CTIF: variants seen among roughly 807,000 people sequenced by gnomAD.
CTIF encodes CBP80/20-dependent translation initiation factor.
CTIF carries 21 observed loss-of-function variants against 66.0 expected under a neutral mutation model. The ratio of observed to expected loss-of-function variants is 0.32; its 90% confidence interval spans 0.23 to 0.46. CTIF has a LOEUF of 0.46. Among genes scored for constraint, CTIF ranks in the 20% least tolerant of loss-of-function variants. The pLI, the probability that CTIF is intolerant of heterozygous loss-of-function variation, is 1.00. For missense variants in CTIF, 739 were observed against 812.7 expected (o/e 0.91, Z 1.10); for synonymous variants, 345 against 326.4 (o/e 1.06, Z -0.62).
At chr18:48,640,636 G>A (rs1485874425) in intron 3 of CTIF, among the ~76,000 whole-genome samples, 2 of 152,258 alleles carry the variant, frequency 1.3e-5, no homozygotes, top group Non-Finnish European at 2.9e-5. Flanking sequence ...CACGTTGGCT[G>A]CACATGTCCA....
At chr18:48,570,474 C>A (rs1370045386) in intron 1 of CTIF, among the ~76,000 whole-genome samples, 1 of 152,202 alleles carries the variant, frequency 6.6e-6, no homozygotes, top group Non-Finnish European at 1.5e-5. Flanking sequence ...AGCATGGAAG[C>A]CTTAGTCCCT....
At chr18:48,777,792 G>A (rs1355220707) in intron 9 of CTIF, among the ~76,000 whole-genome samples, 15 of 152,256 alleles carry the variant, frequency 9.9e-5, no homozygotes, top group Non-Finnish European at 1.5e-5. Context: ...TGCAGTAGGG[G>A]TGGACAGAGG....
intron 9 of CTIF, among the ~76,000 whole-genome samples, chr18:48,799,393 T>G (rs955559481): frequency 6.6e-6 from 1 of 152,124 alleles, no homozygotes; most frequent in Non-Finnish European, 1.5e-5. Context: ...GGATTTCTGG[T>G]CTTTCACTAG....
intron 3 of CTIF, among the ~76,000 whole-genome samples, chr18:48,660,640 C>G (rs1003856752): frequency 6.6e-6 from 1 of 152,256 alleles, no homozygotes; most frequent in African/African-American, 2.4e-5. Context: ...GTGCCCCCTC[C>G]TCCAGGCAGA....
chr18:48,802,237 ACT>A (rs2068062745), intron 9 of CTIF, among the ~76,000 whole-genome samples: 1 of 151,988 alleles, frequency 6.6e-6, no homozygotes, highest in Admixed American at 6.5e-5. Context: ...GCACAGCCCC[ACT>A]CTGTTTCCAC....
intron 1 of CTIF, among the ~76,000 whole-genome samples, chr18:48,546,857 G>A (rs2088764193): frequency 1.3e-5 from 2 of 152,158 alleles, no homozygotes; most frequent in African/African-American, 4.8e-5. Context: ...GATGTGAGGT[G>A]GAGAAAAATC....
chr18:48,731,573 G>A (rs113106504), intron 7 of CTIF, among the ~76,000 whole-genome samples: 24 of 152,296 alleles, frequency 1.6e-4, no homozygotes, highest in African/African-American at 5.5e-4. Flanking sequence ...CCTAGTAAGG[G>A]CTTGGTTTGT....
intron 1 of CTIF, among the ~76,000 whole-genome samples, chr18:48,592,436 G>A (rs555289580): frequency 8.5e-4 from 129 of 151,650 alleles, no homozygotes; most frequent in African/African-American, 2.6e-3. Context: ...GGCAGAGGTT[G>A]TGGTGAGCCG....
intron 1 of CTIF, among the ~76,000 whole-genome samples, chr18:48,547,225 C>A (rs1319909351): frequency 1.3e-5 from 2 of 152,188 alleles, no homozygotes; most frequent in African/African-American, 4.8e-5. Context: ...TCCATCCAAG[C>A]CTTCATCTCT....
chr18:48,854,157 C>T (rs935646637), intron 10 of CTIF, among the ~76,000 whole-genome samples: 2 of 152,058 alleles, frequency 1.3e-5, no homozygotes, highest in African/African-American at 4.8e-5. Flanking sequence ...TTCAAGAAGC[C>T]GACAGTTCAC....
intron 7 of CTIF, among the ~76,000 whole-genome samples, chr18:48,716,627 C>T (rs971258567): frequency 2.0e-5 from 3 of 152,114 alleles, no homozygotes; most frequent in Non-Finnish European, 4.4e-5. Flanking sequence ...GCGGCCACCA[C>T]CCCCAATTGA....
At chr18:48,814,166 T>G (rs1318030797) in intron 9 of CTIF, among the ~76,000 whole-genome samples, 1 of 152,244 alleles carries the variant, frequency 6.6e-6, no homozygotes, top group Non-Finnish European at 1.5e-5. Flanking sequence ...TTCTTTGATG[T>G]GTGCCTTCAT....
At chr18:48,659,642 G>A (rs535849164) in intron 3 of CTIF, among the ~76,000 whole-genome samples, 19 of 152,204 alleles carry the variant, frequency 1.2e-4, no homozygotes, top group South Asian at 2.1e-4. Flanking sequence ...GCAGGAGGCC[G>A]GTCAGTGTGA....
At chr18:48,730,732 T>TGTGAGGAGCCCCTGC (rs1568172454) in intron 7 of CTIF, among the ~76,000 whole-genome samples, 1 of 73,960 alleles carries the variant, frequency 1.4e-5, no homozygotes, top group African/African-American at 6.2e-5. Context: ...GGGGCTTCCG[T>TGTGAGGAGCCCCTGC]GGTGTGAGGA....
chr18:48,707,198 A>G (rs1237711074), intron 6 of CTIF, among the ~76,000 whole-genome samples: 2 of 152,266 alleles, frequency 1.3e-5, no homozygotes, highest in Non-Finnish European at 2.9e-5. Context: ...TGCTGAGCAA[A>G]GAATTAAAGC....
intron 1 of CTIF, among the ~76,000 whole-genome samples, chr18:48,593,147 C>T (rs943599829): frequency 6.6e-6 from 1 of 152,162 alleles, no homozygotes; most frequent in Admixed American, 6.5e-5. Flanking sequence ...GAAGCTCAGG[C>T]GGAGATTCCC....
rs1221859616 is a variant in CTIF, at chr18:48,633,737, A to AAATAAATG, written c.181-2874_181-2873insAAATGAAT. ...TAAATAAATAAATAAATAAATAAATAAATGTACATATATACTTATAGTTAT... is the reference window on the plus strand; with the variant it reads ...TAAATAAATAAATAAATAAATAAATAAATAAATGAATGTACATATATACTTATAGTTAT... On this transcript the variant is annotated intron_variant, in intron 2 of 11. Transcript: ENST00000256413. 4.9e-3 allele frequency among the ~76,000 whole-genome samples: 730 copies of AAATAAATG among 149,950 alleles called. 4 individuals carry two copies. The highest frequency in any genetic ancestry group is 0.035 in the Middle Eastern group (10 of 282).
chr18:48,609,960 G>A (rs2090275778), intron 1 of CTIF, among the ~76,000 whole-genome samples: 1 of 152,182 alleles, frequency 6.6e-6, no homozygotes, highest in Non-Finnish European at 1.5e-5. Flanking sequence ...TCTAGGAGCT[G>A]GGAGTGGGGC....
chr18:48,759,301 T>C (rs1262658245), intron 8 of CTIF, among the ~76,000 whole-genome samples: 2 of 152,300 alleles, frequency 1.3e-5, no homozygotes, highest in East Asian at 3.9e-4. Flanking sequence ...GGCTTCCTCC[T>C]GGGGCTTCCG....
Sources: allele counts gnomAD v4.1 joint callset (sites outside exome capture counted in the v4.1 genomes callset), GRCh38; gene constraint gnomAD v4.1.1; transcripts MANE v1.5; gene names NCBI Gene and HGNC (gene_info 2026-07-23, HGNC 2026-07-21).